SV2B: variants seen among roughly 807,000 people sequenced by gnomAD.
The protein encoded by SV2B is synaptic vesicle glycoprotein 2B.
A neutral mutation model predicts 73.9 loss-of-function variants in SV2B; 41 were observed. That is an observed-to-expected ratio of 0.56 (90% CI 0.43 to 0.72). The LOEUF (loss-of-function observed/expected upper bound fraction) is 0.72. Ranked by LOEUF, SV2B falls within the 30% of genes least tolerant of loss-of-function variation. SV2B has a pLI of 0.00. For missense variants in SV2B, 764 were observed against 857.8 expected, an observed-to-expected ratio of 0.89 and a Z score of 1.37; for synonymous variants, 314 against 314.2, an observed-to-expected ratio of 1.00 and a Z score of 0.01.
Position 91,226,121 on chromosome 15 carries a change from T to G in SV2B, c.-143T>G. Reference sequence around the variant, plus strand: ...GAGAGATAAAGGGGGGGGGAACCAGTGTGACTTTCACCTAAGAAGTCACAT... The same window carrying G: ...GAGAGATAAAGGGGGGGGGAACCAGGGTGACTTTCACCTAAGAAGTCACAT... On this transcript the variant is annotated 5_prime_UTR_variant, in exon 2 of 13. Transcript: ENST00000394232. The G allele has an allele frequency of 1.3e-6, 1 of 775,506 alleles. No homozygotes were observed. Among genetic ancestry groups the G allele is most frequent in the Non-Finnish European group, 2.0e-6 (1 of 492,038 alleles). 48.0% of individuals were successfully genotyped at this position (775,506 alleles called of 1,614,324 possible). A position where few individuals can be genotyped will look rare whatever the true frequency, so the allele number is the denominator to read the frequency against.
In SV2B at chr15:91,223,493, T is replaced by G. The variant is rs2046280527; in HGVS notation, c.-391-2380T>G. On this transcript the variant is annotated intron_variant, in intron 1 of 12. Coordinates refer to ENST00000394232, the MANE Select transcript of SV2B (RefSeq NM_001323032.3). The surrounding 1 kb of genome is among the most constrained non-coding windows in gnomAD (Gnocchi z 4.6). ...TCTGCAAAGCAGCTCCCAGAACCTT[T>G]GCCCTGGGTGGTGAGTCCCACAAGT... Among the ~76,000 whole-genome samples, 1 of 152,214 alleles carries G rather than the reference T, an allele frequency of 6.6e-6. No individual in the cohort carries two copies. The highest frequency in any genetic ancestry group is 2.4e-5 in the African/African-American group (1 of 41,452).
intron 1 of SV2B, among the ~76,000 whole-genome samples, chr15:91,144,920 C>G (rs1291524127): frequency 6.7e-6 from 1 of 149,114 alleles, no homozygotes; most frequent in Non-Finnish European, 1.5e-5. Context: ...TTATGGAAGT[C>G]ACTTAGAGCT....
rs1017026432 is a variant in SV2B, at chr15:91,140,980, A to G, written c.-392+40617A>G. On this transcript the variant is annotated intron_variant, in intron 1 of 12. Coordinates refer to ENST00000394232, the MANE Select transcript of SV2B (RefSeq NM_001323032.3). The surrounding 1 kb of genome is among the most constrained non-coding windows in gnomAD (Gnocchi z 4.4). ...ACTAAGATTCTCCACACTTCCTCCA[A>G]CTTCTTTTAAAATAGAACTATTTTC... 2.6e-5 allele frequency among the ~76,000 whole-genome samples: 4 copies of G among 152,106 alleles called. No individual in the cohort carries two copies. The highest frequency in any genetic ancestry group is 9.7e-5 in the African/African-American group (4 of 41,408).
At chr15:91,125,353 A>C (rs1596445544) in intron 1 of SV2B, among the ~76,000 whole-genome samples, 1 of 152,158 alleles carries the variant, frequency 6.6e-6, no homozygotes, top group East Asian at 1.9e-4. Flanking sequence ...CGGGTACTGC[A>C]CTCATGACGT....
intron 1 of SV2B, among the ~76,000 whole-genome samples, chr15:91,198,227 G>C (rs1017844926): frequency 1.3e-5 from 2 of 152,086 alleles, no homozygotes. Flanking sequence ...GTTAAGATTA[G>C]ATAAAGCTGG....
chr15:91,285,838 C>T (rs935433099), intron 11 of SV2B, among the ~76,000 whole-genome samples: 4 of 152,052 alleles, frequency 2.6e-5, no homozygotes, highest in Admixed American at 1.3e-4. Flanking sequence ...AACAGCCCAC[C>T]GCCTAAGGAC....
intron 1 of SV2B, among the ~76,000 whole-genome samples, chr15:91,212,200 A>G (rs889583125): frequency 5.9e-5 from 9 of 152,220 alleles, no homozygotes; most frequent in South Asian, 4.1e-4. Flanking sequence ...TTCTTTCCAA[A>G]GAAATATTGC....
chr15:91,233,568 T>C (rs1188200943), intron 2 of SV2B, among the ~76,000 whole-genome samples: 1 of 152,140 alleles, frequency 6.6e-6, no homozygotes, highest in African/African-American at 2.4e-5. Context: ...AGTGAGAACA[T>C]TGATTGGGAA....
intron 1 of SV2B, among the ~76,000 whole-genome samples, chr15:91,211,695 G>C (rs1456687601): frequency 6.6e-6 from 1 of 151,428 alleles, no homozygotes; most frequent in Non-Finnish European, 1.5e-5. Flanking sequence ...GTAGAGACAG[G>C]GTTTCACCAT....
chr15:91,255,493 A>G (rs983361569), intron 4 of SV2B, among the ~76,000 whole-genome samples: 1 of 152,224 alleles, frequency 6.6e-6, no homozygotes, highest in Non-Finnish European at 1.5e-5. Context: ...GGGGTGAGGT[A>G]TAAAAGACTA....
At chr15:91,246,760 T>G (rs528036969) in intron 2 of SV2B, among the ~76,000 whole-genome samples, 43 of 149,648 alleles carry the variant, frequency 2.9e-4, no homozygotes, top group African/African-American at 9.6e-4. Flanking sequence ...TCTTCTCCTC[T>G]TCCTCCTTTG....
rs957733235 is a variant in SV2B, at chr15:91,252,675, T to C, written c.784+155T>C. Among the ~76,000 whole-genome samples, 2 of 152,216 alleles carry C rather than the reference T, an allele frequency of 1.3e-5. No homozygotes were observed. The highest frequency in any genetic ancestry group is 2.9e-5 in the Non-Finnish European group (2 of 68,034). On this transcript the variant is annotated intron_variant, in intron 4 of 12. Transcript: ENST00000394232. This position sits in a 1 kb window ranked among gnomAD's most constrained non-coding sequence, Gnocchi z 4.6. ...AACAACTTCTAACATTGCAGACACATTGTTAATTTCAATTCAATGTCTTTT... is the reference window on the plus strand; with the variant it reads ...AACAACTTCTAACATTGCAGACACACTGTTAATTTCAATTCAATGTCTTTT...
chr15:91,270,718 C>A (rs559066323), intron 9 of SV2B, among the ~76,000 whole-genome samples: 10 of 151,912 alleles, frequency 6.6e-5, no homozygotes, highest in Non-Finnish European at 1.3e-4. Flanking sequence ...GGGCTTTCAG[C>A]AAACTGCTGG....
chr15:91,175,267 T>C (rs944577842), intron 1 of SV2B, among the ~76,000 whole-genome samples: 1 of 152,138 alleles, frequency 6.6e-6, no homozygotes, highest in Admixed American at 6.5e-5. Flanking sequence ...TTTCTTTTTT[T>C]TTTTTGAGAT....
intron 1 of SV2B, among the ~76,000 whole-genome samples, chr15:91,104,182 G>A (rs1286341414): frequency 6.6e-6 from 1 of 152,224 alleles, no homozygotes; most frequent in Non-Finnish European, 1.5e-5. Context: ...ATGTCTCTTG[G>A]TTGGCTGGGT....
chr15:91,264,577 T>G (rs1223392464), intron 6 of SV2B, among the ~76,000 whole-genome samples: 1 of 152,210 alleles, frequency 6.6e-6, no homozygotes, highest in Non-Finnish European at 1.5e-5. Context: ...TTTAAAGTTC[T>G]GAGTTAGGTT....
chr15:91,243,885 A>G (rs989321293), intron 2 of SV2B, among the ~76,000 whole-genome samples: 2 of 152,120 alleles, frequency 1.3e-5, no homozygotes, highest in Non-Finnish European at 2.9e-5. Context: ...AACTTCCAGG[A>G]GGGGCGGTTC....
In SV2B at chr15:91,106,827, G is replaced by A. The variant is rs9920053; in HGVS notation, c.-392+6464G>A. Among the ~76,000 whole-genome samples the A allele has an allele frequency of 0.016, 2,391 of 152,310 alleles. 53 individuals are homozygous for A. Among genetic ancestry groups the A allele is most frequent in the African/African-American group, 0.052 (2,151 of 41,556 alleles). On this transcript the variant is annotated intron_variant, in intron 1 of 12. Transcript: ENST00000394232. This position sits in a 1 kb window ranked among gnomAD's most constrained non-coding sequence, Gnocchi z 4.4. ...TTTTATTTAAATCAATTTATGCCGA[G>A]TGTCACCAGCTTGCTTGAGAAACCC...
rs1117388 is a variant in SV2B at position 91,281,797 on chromosome 15, C to T, written c.1443C>T (p.Asp481=). The change falls in exon 10 of 13, where the codon GAC becomes GAT. Residue 481 remains aspartate (D), a synonymous_variant. Transcript: ENST00000394232. The surrounding 1 kb of genome is among the most constrained non-coding windows in gnomAD (Gnocchi z 4.7). ...DTFFDECYFE[D]VTSTDTYFKN... is the part of the protein sequence containing the mutation. ...TCTTTGACGAGTGCTATTTTGAAGACGTAACATCAACAGATACCTACTTCA... is the reference window on the plus strand; with the variant it reads ...TCTTTGACGAGTGCTATTTTGAAGATGTAACATCAACAGATACCTACTTCA... 0.22 allele frequency: 347,767 copies of T among 1,610,502 alleles called. 47,778 individuals are homozygous for T. Among genetic ancestry groups the T allele is most frequent in the African/African-American group, 0.68 (51,093 of 74,806 alleles).
Sources: allele counts gnomAD v4.1 joint callset (sites outside exome capture counted in the v4.1 genomes callset), GRCh38; gene constraint gnomAD v4.1.1; non-coding constraint Gnocchi (gnomAD v3.1); transcripts MANE v1.5; gene names NCBI Gene and HGNC (gene_info 2026-07-23, HGNC 2026-07-21).